SAV1: variants seen among roughly 807,000 people sequenced by gnomAD.
The protein encoded by SAV1 is protein salvador homolog 1.
SAV1 carries 23 observed loss-of-function variants against 47.3 expected under a neutral mutation model. That is an observed-to-expected ratio of 0.49 (90% confidence interval 0.35 to 0.69). The LOEUF is 0.69. Among genes scored for constraint, SAV1 ranks in the 30% least tolerant of loss-of-function variants. The pLI, the probability that SAV1 is intolerant of heterozygous loss-of-function variation, is 0.01. For missense variants in SAV1, 448 were observed against 457.4 expected (o/e 0.98, Z 0.19); for synonymous variants, 155 against 159.2 (o/e 0.97, Z 0.20).
Position 50,635,462 on chromosome 14 carries a change from T to G in SAV1, c.951-78A>C, listed in dbSNP as rs954576418. On this transcript the variant is annotated intron_variant, in intron 4 of 4. Coordinates refer to ENST00000324679, the MANE Select transcript of SAV1 (RefSeq NM_021818.4). ...TTTCTAGCAAGAAACTAGTCTGTTT[T>G]TTAAAATGTCAACTTTATTTATAAC... The G allele has an allele frequency of 5.3e-6, 6 of 1,133,506 alleles. No individual in the cohort carries two copies. The African/African-American group carries it at 9.4e-5, about 18-fold the overall frequency. The allele number at this position is 1,133,506 out of a possible 1,614,324, so 70.2% of individuals were successfully genotyped here.
At chr14:50,656,151 A>C (rs180818794) in intron 2 of SAV1, among the ~76,000 whole-genome samples, 1 of 152,340 alleles carries the variant, frequency 6.6e-6, no homozygotes, top group Admixed American at 6.5e-5. Flanking sequence ...AACTTGCCTA[A>C]ATCTAGAACC....
chr14:50,645,038 G>A (rs1187462596), intron 2 of SAV1, 24 bp from the exon 3 acceptor site: 1 of 1,586,490 alleles, frequency 6.3e-7, no homozygotes, highest in Non-Finnish European at 8.5e-7. Flanking sequence ...GAAAATGATA[G>A]AGAAGAAACA....
At chr14:50,661,397 T>C (rs1031209123) in intron 2 of SAV1, among the ~76,000 whole-genome samples, 11 of 152,236 alleles carry the variant, frequency 7.2e-5, no homozygotes, top group African/African-American at 2.4e-4. Flanking sequence ...ATTCAATATG[T>C]TGTCTCTTCA....
At chr14:50,647,917 A>T (rs2039736027) in intron 2 of SAV1, among the ~76,000 whole-genome samples, 1 of 152,232 alleles carries the variant, frequency 6.6e-6, no homozygotes, top group African/African-American at 2.4e-5. Flanking sequence ...TGCTTTTCAT[A>T]TGCTACAGCA....
chr14:50,651,769 G>A (rs1300101661), intron 2 of SAV1, among the ~76,000 whole-genome samples: 17 of 151,894 alleles, frequency 1.1e-4, no homozygotes, highest in Admixed American at 1.1e-3. Flanking sequence ...TGTGACTATG[G>A]GCATGCACCA....
intron 2 of SAV1, among the ~76,000 whole-genome samples, chr14:50,663,912 C>T (rs541096624): frequency 1.3e-3 from 194 of 152,302 alleles, no homozygotes; most frequent in African/African-American, 4.2e-3. Context: ...GGCAGAACTA[C>T]ACTGTTCCTT....
intron 2 of SAV1, among the ~76,000 whole-genome samples, chr14:50,650,029 C>T (rs1355552619): frequency 6.6e-6 from 1 of 152,048 alleles, no homozygotes; most frequent in Non-Finnish European, 1.5e-5. Context: ...TAAAGAAAGG[C>T]AAATGAAACA....
At chr14:50,667,166 G>C (rs1355682538) in intron 1 of SAV1, among the ~76,000 whole-genome samples, 1 of 151,970 alleles carries the variant, frequency 6.6e-6, no homozygotes, top group African/African-American at 2.4e-5. Flanking sequence ...AAAAGCAGCG[G>C]GGGACCGGAG....
rs1170655171 is a variant in SAV1, at chr14:50,665,175, C to T, written c.535+4G>A. ...CTACTATATTATTTATAATGTTAAG[C>T]TACCTGAAGCATGCCTCCCCTGATT... is the stretch of plus-strand genomic sequence containing the variant. On this transcript the variant is annotated splice_donor_region_variant and intron_variant, in intron 2 of 4. Coordinates refer to ENST00000324679, the MANE Select transcript of SAV1 (RefSeq NM_021818.4). 6.5e-7 allele frequency: 1 copy of T among 1,547,374 alleles called. No individual in the cohort carries two copies. Among genetic ancestry groups the T allele is most frequent in the Non-Finnish European group, 8.7e-7 (1 of 1,151,020 alleles).
chr14:50,644,249 A>G (rs2039702599), intron 3 of SAV1, among the ~76,000 whole-genome samples: 3 of 152,242 alleles, frequency 2.0e-5, no homozygotes, highest in Admixed American at 2.0e-4. Context: ...ATTACTGGCT[A>G]TATTTATTAA....
At chr14:50,653,545 C>A (rs573530705) in intron 2 of SAV1, among the ~76,000 whole-genome samples, 1 of 152,026 alleles carries the variant, frequency 6.6e-6, no homozygotes, top group Non-Finnish European at 1.5e-5. Flanking sequence ...AAGCGAGTTA[C>A]GTGAATTTGT....
At chr14:50,657,953 T>G (rs935727760) in intron 2 of SAV1, among the ~76,000 whole-genome samples, 2 of 152,292 alleles carry the variant, frequency 1.3e-5, no homozygotes, top group East Asian at 3.9e-4. Flanking sequence ...GTTTCCAAAT[T>G]TTGTAGTGGC....
chr14:50,645,400 A>T (rs1299238100), intron 2 of SAV1, among the ~76,000 whole-genome samples: 1 of 152,206 alleles, frequency 6.6e-6, no homozygotes, highest in Non-Finnish European at 1.5e-5. Context: ...GATGAGTCAT[A>T]GTCAAAATTC....
chr14:50,668,049 C>CCGCCGG lies in SAV1; in HGVS notation c.-88_-83dup, dbSNP rs1257270352. On this transcript the variant is annotated 5_prime_UTR_variant, in exon 1 of 5. Coordinates refer to ENST00000324679, the MANE Select transcript of SAV1 (RefSeq NM_021818.4). ...GCGCCGGCCGTCTCCGCCGCCACCT[C>CCGCCGG]CGCCGGCGCCGCCGCCTCCTTCCCT... The CCGCCGG allele has an allele frequency of 5.2e-6, 5 of 958,726 alleles. No individual in the cohort carries two copies. In the East Asian group the frequency reaches 1.4e-4, roughly 26 times the overall value. The allele number at this position is 958,726 out of a possible 1,614,324, so 59.4% of individuals were successfully genotyped here.
At chr14:50,652,909 T>C (rs2039781131) in intron 2 of SAV1, among the ~76,000 whole-genome samples, 1 of 152,162 alleles carries the variant, frequency 6.6e-6, no homozygotes, top group Non-Finnish European at 1.5e-5. Context: ...CACGTGGCAG[T>C]GATCCCAGCT....
At chr14:50,638,914 C>T (rs1211148584) in intron 4 of SAV1, among the ~76,000 whole-genome samples, 5 of 152,046 alleles carry the variant, frequency 3.3e-5, no homozygotes, top group Non-Finnish European at 5.9e-5. Flanking sequence ...ACTACAGGCG[C>T]GTGCCACCAT....
intron 2 of SAV1, among the ~76,000 whole-genome samples, chr14:50,649,409 G>C (rs1595642470): frequency 6.6e-6 from 1 of 152,306 alleles, no homozygotes; most frequent in East Asian, 1.9e-4. Flanking sequence ...AAAGCACATA[G>C]TAAGTGTTAA....
chr14:50,657,111 C>T (rs2039819698), intron 2 of SAV1, among the ~76,000 whole-genome samples: 1 of 151,332 alleles, frequency 6.6e-6, no homozygotes, highest in African/African-American at 2.4e-5. Context: ...ACTGCACCCT[C>T]CACACCGCGG....
chr14:50,641,875 T>C (rs974198132), intron 3 of SAV1, among the ~76,000 whole-genome samples: 3 of 152,178 alleles, frequency 2.0e-5, no homozygotes, highest in Non-Finnish European at 4.4e-5. Context: ...TACAAAGGAA[T>C]AGAAATCATT....
Sources: gnomAD v4.1 joint callset for allele counts (sites outside exome capture counted in the v4.1 genomes callset) on GRCh38, gnomAD v4.1.1 for gene constraint, MANE v1.5 for transcripts, NCBI Gene and HGNC (gene_info 2026-07-23, HGNC 2026-07-21) for gene names.